SHISA6: variants seen among roughly 807,000 people sequenced by gnomAD.
SHISA6 encodes the protein shisa family member 6.
Under a neutral mutation model 47.9 loss-of-function variants are expected in SHISA6, and 22 were observed. That is an observed-to-expected ratio of 0.46 (90% CI 0.33 to 0.66). The LOEUF is 0.66. Ranked by LOEUF, SHISA6 falls within the 30% of genes least tolerant of loss-of-function variation. The pLI is 0.02. For missense variants in SHISA6, 680 were observed against 764.6 expected (o/e 0.89, Z 1.30); for synonymous variants, 388 against 337.8 (o/e 1.15, Z -1.63).
At chr17:11,409,502 C>G (rs2191084) in intron 3 of SHISA6, among the ~76,000 whole-genome samples, 64,335 of 151,722 alleles carry the variant, frequency 0.42, 14,218 homozygotes, top group African/African-American at 0.53. Flanking sequence ...TCAGGAGTTC[C>G]AGACCAGCCT....
chr17:11,448,576 C>T (rs1915297964), intron 3 of SHISA6, among the ~76,000 whole-genome samples: 1 of 152,074 alleles, frequency 6.6e-6, no homozygotes, highest in Non-Finnish European at 1.5e-5. Flanking sequence ...CACCTATAAT[C>T]CCAGCACTTT....
chr17:11,314,591 A>C (rs1400741512), intron 2 of SHISA6, among the ~76,000 whole-genome samples: 1 of 150,336 alleles, frequency 6.7e-6, no homozygotes, highest in Non-Finnish European at 1.5e-5. Flanking sequence ...GCTCGAGTAC[A>C]ATGGCACAGT....
chr17:11,548,440 C>CATATATATATATAT (rs10578711), intron 3 of SHISA6, among the ~76,000 whole-genome samples: 12 of 148,638 alleles, frequency 8.1e-5, no homozygotes, highest in South Asian at 4.3e-4. Context: ...ATGCATATTT[C>CATATATATATATAT]ATATATATAT....
chr17:11,388,814 AT>A (rs1567592121), intron 3 of SHISA6, among the ~76,000 whole-genome samples: 1 of 98,948 alleles, frequency 1.0e-5, no homozygotes, highest in African/African-American at 4.3e-5. Context: ...ATATATATAT[AT>A]ATATATATAT....
chr17:11,412,512 G>A (rs180908585), intron 3 of SHISA6, among the ~76,000 whole-genome samples: 1 of 151,722 alleles, frequency 6.6e-6, no homozygotes, highest in Non-Finnish European at 1.5e-5. Context: ...TTCTTGAAAT[G>A]AAGCATGGTT....
rs80050809 is a variant in SHISA6, at chr17:11,315,039, C to A, written c.799+51513C>A. Among the ~76,000 whole-genome samples, 328 of 152,230 alleles carry A rather than the reference C, an allele frequency of 2.2e-3. 5 individuals carry two copies. In the East Asian group the frequency reaches 0.04, roughly 19 times the overall value. ...TTTAGAAGGGGACATGAATGGAATT[C>A]ATAGCTTAATGTGGGGCAGATTGAC... is the stretch of plus-strand genomic sequence containing the variant. On this transcript the variant is annotated intron_variant, in intron 2 of 5. Transcript: ENST00000441885.
chr17:11,496,455 G>A (rs1396103734), intron 3 of SHISA6, among the ~76,000 whole-genome samples: 1 of 152,184 alleles, frequency 6.6e-6, no homozygotes, highest in African/African-American at 2.4e-5. Context: ...GGATAGAAGT[G>A]GGGGCCGGGT....
chr17:11,337,144 CAG>C (rs1247012808), intron 2 of SHISA6, among the ~76,000 whole-genome samples: 1 of 152,160 alleles, frequency 6.6e-6, no homozygotes, highest in Non-Finnish European at 1.5e-5. Context: ...TTCCCAACAG[CAG>C]AGTCTGAGAC....
intron 2 of SHISA6, among the ~76,000 whole-genome samples, chr17:11,277,241 T>G: frequency 1.3e-5 from 1 of 78,160 alleles, no homozygotes; most frequent in African/African-American, 5.8e-5. Context: ...CGGTTTCTCT[T>G]TCTCTCTCTC....
rs1310362373 is a variant in SHISA6, at chr17:11,277,268, TCTCTCTCTCTCTCACACACA to T, written c.799+13744_799+13763del. ...CTCTCTCTCTCTCTCTCTCTCTCTC[TCTCTCTCTCTCTCACACACA>T]CACACACACACACACACACACACAC... On this transcript the variant is annotated intron_variant, in intron 2 of 5. Coordinates refer to ENST00000441885, the MANE Select transcript of SHISA6 (RefSeq NM_207386.4). Among the ~76,000 whole-genome samples the T allele has an allele frequency of 5.8e-3, 644 of 110,870 alleles. 2 individuals are homozygous for T. The highest frequency in any genetic ancestry group is 0.02 in the African/African-American group (539 of 27,640). 72.7% of individuals were successfully genotyped at this position (110,870 alleles called of 152,430 possible).
At chr17:11,339,235 C>G (rs956114600) in intron 2 of SHISA6, among the ~76,000 whole-genome samples, 2 of 150,948 alleles carry the variant, frequency 1.3e-5, no homozygotes, top group African/African-American at 4.9e-5. Context: ...ATGTTGTCAA[C>G]TTGTCTTTGT....
chr17:11,556,249 A>G (rs1035981749), intron 5 of SHISA6, among the ~76,000 whole-genome samples: 3 of 152,112 alleles, frequency 2.0e-5, no homozygotes, highest in African/African-American at 7.2e-5. Flanking sequence ...TATACTGGAT[A>G]GAGGCTAGCA....
intron 3 of SHISA6, among the ~76,000 whole-genome samples, chr17:11,507,660 G>A (rs1465348353): frequency 1.3e-5 from 2 of 152,158 alleles, no homozygotes; most frequent in African/African-American, 4.8e-5. Context: ...ATTATTACTT[G>A]AGAAGAGCAT....
chr17:11,509,855 C>T lies in SHISA6; in HGVS notation c.896-42041C>T, dbSNP rs957430195. ...CTATTGTCTAGTGTGCTTTGTGCACCCTGCCCTGCAAGGAGGAACATCTAT... is the reference window on the plus strand; with the variant it reads ...CTATTGTCTAGTGTGCTTTGTGCACTCTGCCCTGCAAGGAGGAACATCTAT... On this transcript the variant is annotated intron_variant, in intron 3 of 5. Coordinates refer to ENST00000441885, the MANE Select transcript of SHISA6 (RefSeq NM_207386.4). 2.6e-5 allele frequency among the ~76,000 whole-genome samples: 4 copies of T among 152,190 alleles called. No individual in the cohort carries two copies. The South Asian group carries it at 8.3e-4, about 32-fold the overall frequency.
At position 11,526,927 on chromosome 17, in the gene SHISA6, ATATATATATT is replaced by A. The variant is rs1404894843; in HGVS notation, c.896-24968_896-24959del. On this transcript the variant is annotated intron_variant, in intron 3 of 5. Coordinates refer to ENST00000441885, the MANE Select transcript of SHISA6 (RefSeq NM_207386.4). ...TATATATATATATATATATATATAT[ATATATATATT>A]ATAATGATCAAATCAGGGTATTTAG... Among the ~76,000 whole-genome samples, 47 of 25,112 alleles carry A rather than the reference ATATATATATT, an allele frequency of 1.9e-3. 1 individual carries two copies. Among genetic ancestry groups the A allele is most frequent in the African/African-American group, 7.5e-3 (41 of 5,500 alleles). 16.5% of individuals were successfully genotyped at this position (25,112 alleles called of 152,430 possible). A position where few individuals can be genotyped will look rare whatever the true frequency, so the allele number is the denominator to read the frequency against.
intron 3 of SHISA6, among the ~76,000 whole-genome samples, chr17:11,461,258 A>G (rs1174026087): frequency 6.6e-6 from 1 of 152,078 alleles, no homozygotes; most frequent in Non-Finnish European, 1.5e-5. Context: ...TTAGCTGGGC[A>G]TGGTGGCGGG....
At chr17:11,554,283 T>A (rs1216755923) in intron 4 of SHISA6, among the ~76,000 whole-genome samples, 2 of 152,126 alleles carry the variant, frequency 1.3e-5, no homozygotes, top group Admixed American at 6.5e-5. Context: ...CAGCATGTTC[T>A]AATGGGGATG....
chr17:11,428,374 A>G (rs1034693433), intron 3 of SHISA6, among the ~76,000 whole-genome samples: 7 of 152,324 alleles, frequency 4.6e-5, no homozygotes, highest in Admixed American at 2.0e-4. Flanking sequence ...TCAAAGGAGG[A>G]ACACGTACGT....
chr17:11,483,396 G>A (rs1450379819), intron 3 of SHISA6, among the ~76,000 whole-genome samples: 1 of 151,974 alleles, frequency 6.6e-6, no homozygotes, highest in African/African-American at 2.4e-5. Context: ...AGATAAGTGG[G>A]TCTAACTCCT....
Sources: allele counts gnomAD v4.1 joint callset (sites outside exome capture counted in the v4.1 genomes callset), GRCh38; gene constraint gnomAD v4.1.1; transcripts MANE v1.5; gene names NCBI Gene and HGNC (gene_info 2026-07-23, HGNC 2026-07-21).